NHSL2: variants seen among roughly 807,000 people sequenced by gnomAD.
The protein encoded by NHSL2 is NHS-like protein 2.
NHSL2 carries 27 observed loss-of-function variants against 53.4 expected under a neutral mutation model. The ratio of observed to expected loss-of-function variants is 0.51; its 90% CI spans 0.37 to 0.70. The LOEUF is 0.70. Ranked by LOEUF, NHSL2 falls within the 30% of genes least tolerant of loss-of-function variation. NHSL2 has a pLI of 0.00. For missense variants in NHSL2, 892 were observed against 980.1 expected (o/e 0.91, Z 1.20); for synonymous variants, 408 against 404.1 (o/e 1.01, Z -0.12).
At chrX:72,071,013 A>G (rs1440309182) in intron 1 of NHSL2, among the ~76,000 whole-genome samples, 1 of 111,763 alleles carries the variant, frequency 8.9e-6, no homozygotes. Flanking sequence ...GTAGTTGTCC[A>G]AGGCCAGCCA....
Position 72,140,753 on chromosome X carries a change from A to C in NHSL2, c.3205A>C (p.Arg1069=). The C allele has an allele frequency of 2.5e-6, 3 of 1,181,699 alleles. No individual in the cohort carries two copies. The South Asian group carries it at 5.8e-5, about 23-fold the overall frequency. Residue 1069 remains arginine (R), a synonymous_variant, in exon 6 of 8, where the codon AGG becomes CGG. Transcript: ENST00000633930. The part of the protein sequence containing the change: ...VTSTPQADSE[R]EASPLGSSVE... ...TTCAACTCCTCAGGCTGACAGTGAA[A>C]GGGAGGCAAGCCCTCTGGGTTAGTA...
intron 1 of NHSL2, among the ~76,000 whole-genome samples, chrX:72,092,539 G>T (rs1201524431): frequency 8.9e-6 from 1 of 111,810 alleles, no homozygotes; most frequent in Non-Finnish European, 1.9e-5. Context: ...GGCCCAGGCT[G>T]TCTGGTGTGT....
intron 1 of NHSL2, among the ~76,000 whole-genome samples, chrX:72,024,282 T>C (rs2042174391): frequency 9.0e-6 from 1 of 111,619 alleles, no homozygotes; most frequent in Non-Finnish European, 1.9e-5. Context: ...TATAATGGTT[T>C]GGTGGTGAGG....
chrX:71,935,575 G>A (rs917148179), intron 1 of NHSL2, among the ~76,000 whole-genome samples: 7 of 112,973 alleles, frequency 6.2e-5, no homozygotes, highest in South Asian at 7.3e-4. Flanking sequence ...GTTCCAGGCG[G>A]AGTCGGTTCT....
chrX:71,918,418 A>G (rs1202614127), intron 1 of NHSL2, among the ~76,000 whole-genome samples: 1 of 107,275 alleles, frequency 9.3e-6, no homozygotes, highest in Non-Finnish European at 1.9e-5. Flanking sequence ...AAAAATATCT[A>G]TCATCTGTTT....
intron 1 of NHSL2, among the ~76,000 whole-genome samples, chrX:72,016,418 C>T (rs946907980): frequency 2.7e-5 from 3 of 112,071 alleles, no homozygotes; most frequent in African/African-American, 9.7e-5. Context: ...TTGTTCTTTT[C>T]CCCAAAAAAA....
chrX:71,920,536 G>T (rs1163634689), intron 1 of NHSL2, among the ~76,000 whole-genome samples: 1 of 111,010 alleles, frequency 9.0e-6, no homozygotes, highest in Non-Finnish European at 1.9e-5. Context: ...AATTTCTGGG[G>T]GATGAGGCCC....
chrX:71,984,308 A>G (rs1400029173), intron 1 of NHSL2, among the ~76,000 whole-genome samples: 1 of 112,212 alleles, frequency 8.9e-6, no homozygotes, highest in Non-Finnish European at 1.9e-5. Context: ...AACATTCGGT[A>G]AGCTTATCCT....
rs189503983 is a variant in NHSL2 at position 71,938,435 on chromosome X, A to T, written c.280+27068A>T. Among the ~76,000 whole-genome samples, 8 of 112,081 alleles carry T rather than the reference A, an allele frequency of 7.1e-5. No homozygotes were observed. In the East Asian group the frequency reaches 1.7e-3, roughly 24 times the overall value. On this transcript the variant is annotated intron_variant, in intron 1 of 7. Coordinates refer to ENST00000633930, the MANE Select transcript of NHSL2 (RefSeq NM_001013627.3). ...GAGTCTGACTAGCAGCTCACTTGAGATCTCCTTGGCGTCTTCTTCTCCCAT... is the reference window on the plus strand; with the variant it reads ...GAGTCTGACTAGCAGCTCACTTGAGTTCTCCTTGGCGTCTTCTTCTCCCAT...
chrX:72,068,791 C>T (rs781135682), intron 1 of NHSL2, among the ~76,000 whole-genome samples: 34 of 111,950 alleles, frequency 3.0e-4, no homozygotes, highest in African/African-American at 1.1e-3. Flanking sequence ...GGGCTGCCAG[C>T]TCTGCCCTCC....
chrX:71,915,756 A>G (rs1485544113), intron 1 of NHSL2, among the ~76,000 whole-genome samples: 2 of 111,422 alleles, frequency 1.8e-5, no homozygotes, highest in Non-Finnish European at 3.8e-5. Flanking sequence ...CCTTCTGACA[A>G]CCAGACTAGT....
chrX:72,027,874 TC>T (rs1165916271), intron 1 of NHSL2, among the ~76,000 whole-genome samples: 24 of 109,839 alleles, frequency 2.2e-4, no homozygotes, highest in African/African-American at 8.0e-4. Context: ...GTATTAAGGG[TC>T]AGAAGGAGGC....
chrX:71,920,504 C>T (rs1290281483), intron 1 of NHSL2, among the ~76,000 whole-genome samples: 1 of 110,584 alleles, frequency 9.0e-6, no homozygotes, highest in Non-Finnish European at 1.9e-5. Flanking sequence ...GCTGTGGCTC[C>T]ACCCCATACC....
At chrX:71,967,882 C>G (rs905032403) in intron 1 of NHSL2, among the ~76,000 whole-genome samples, 2 of 111,140 alleles carry the variant, frequency 1.8e-5, no homozygotes, top group Non-Finnish European at 3.8e-5. Context: ...GCCCTGTGAC[C>G]TCATTTCTCT....
intron 1 of NHSL2, among the ~76,000 whole-genome samples, chrX:72,046,608 G>C (rs1398068179): frequency 8.9e-6 from 1 of 111,739 alleles, no homozygotes. Context: ...GAGTCTGGTG[G>C]TGCTGATAAA....
intron 1 of NHSL2, among the ~76,000 whole-genome samples, chrX:72,121,282 C>T (rs1304561461): frequency 2.7e-5 from 3 of 111,952 alleles, no homozygotes; most frequent in Admixed American, 9.4e-5. Context: ...TTCCCCTTCC[C>T]TCTGCAAGCC....
chrX:72,051,914 T>G (rs1335783109), intron 1 of NHSL2, among the ~76,000 whole-genome samples: 4 of 112,018 alleles, frequency 3.6e-5, no homozygotes, highest in Non-Finnish European at 7.5e-5. Flanking sequence ...AATGACAGCT[T>G]TCTTGGAAGC....
intron 1 of NHSL2, among the ~76,000 whole-genome samples, chrX:72,054,688 C>T (rs2042358624): frequency 9.0e-6 from 1 of 111,485 alleles, no homozygotes; most frequent in Admixed American, 9.5e-5. Flanking sequence ...ATGATGCTGC[C>T]AAATATGTTG....
At chrX:72,051,780 G>A (rs960525013) in intron 1 of NHSL2, among the ~76,000 whole-genome samples, 2 of 111,185 alleles carry the variant, frequency 1.8e-5, no homozygotes, top group African/African-American at 6.6e-5. Context: ...CCACTTGCGG[G>A]TCTCTCTCCA....
Sources: allele counts gnomAD v4.1 joint callset (sites outside exome capture counted in the v4.1 genomes callset), GRCh38; gene constraint gnomAD v4.1.1; transcripts MANE v1.5; gene names NCBI Gene and HGNC (gene_info 2026-07-23, HGNC 2026-07-21).